MGAT4C: variants seen among roughly 807,000 people sequenced by gnomAD.
MGAT4C encodes alpha-1,3-mannosyl-glycoprotein 4-beta-N-acetylglucosaminyltransferase C.
Under a neutral mutation model 40.1 loss-of-function variants are expected in MGAT4C, and 19 were observed. That is an observed-to-expected ratio of 0.47 (90% CI 0.33 to 0.70). The LOEUF is 0.70. MGAT4C is among the 30% of genes least tolerant of loss of function. The probability of loss-of-function intolerance (pLI) is 0.02; values close to 1 mark genes in which losing one functional copy is unlikely to be tolerated. For synonymous variants in MGAT4C, 181 were observed against 187.1 expected (o/e 0.97, Z 0.27); for missense variants, 491 against 563.2 (o/e 0.87, Z 1.30).
intron 3 of MGAT4C, among the ~76,000 whole-genome samples, chr12:86,416,831 G>T (rs999186688): frequency 6.6e-6 from 1 of 152,034 alleles, no homozygotes; most frequent in Non-Finnish European, 1.5e-5. Flanking sequence ...AACTTCATTT[G>T]GCATTAGGGT....
At chr12:86,684,642 C>T (rs1950039707) in intron 2 of MGAT4C, among the ~76,000 whole-genome samples, 1 of 152,178 alleles carries the variant, frequency 6.6e-6, no homozygotes, top group Non-Finnish European at 1.5e-5. Flanking sequence ...ATTTACACTT[C>T]CACCAACAGT....
chr12:86,564,696 C>T (rs1451170834), intron 2 of MGAT4C, among the ~76,000 whole-genome samples: 1 of 152,168 alleles, frequency 6.6e-6, no homozygotes, highest in African/African-American at 2.4e-5. Context: ...GCCCCTCGTA[C>T]AATCAAGAAA....
At chr12:86,501,337 T>A (rs183957791) in intron 2 of MGAT4C, among the ~76,000 whole-genome samples, 97 of 152,164 alleles carry the variant, frequency 6.4e-4, no homozygotes, top group Middle Eastern at 6.8e-3. Flanking sequence ...TGTTATTTAT[T>A]TTATTTTATT....
intron 2 of MGAT4C, among the ~76,000 whole-genome samples, chr12:86,452,115 G>A (rs1216018170): frequency 1.3e-5 from 2 of 151,910 alleles, no homozygotes; most frequent in Admixed American, 1.3e-4. Flanking sequence ...CCTGTTTCTT[G>A]TTTGTTTTTC....
At chr12:86,623,903 T>C (rs1161735841) in intron 2 of MGAT4C, among the ~76,000 whole-genome samples, 2 of 152,208 alleles carry the variant, frequency 1.3e-5, no homozygotes, top group Admixed American at 6.5e-5. Context: ...CTTTCAATCA[T>C]TGTAGCTTTG....
At chr12:86,409,069 G>A (rs1956549369) in intron 3 of MGAT4C, among the ~76,000 whole-genome samples, 2 of 152,030 alleles carry the variant, frequency 1.3e-5, no homozygotes, top group Non-Finnish European at 1.5e-5. Flanking sequence ...AAGAAATTTC[G>A]AGAAAGAAAA....
intron 2 of MGAT4C, among the ~76,000 whole-genome samples, chr12:86,494,052 C>T (rs1163583022): frequency 6.6e-6 from 1 of 151,728 alleles, no homozygotes; most frequent in Non-Finnish European, 1.5e-5. Flanking sequence ...TTTGTATAGC[C>T]ATGTAATCAC....
chr12:86,460,995 C>T (rs995055211), intron 2 of MGAT4C, among the ~76,000 whole-genome samples: 2 of 151,928 alleles, frequency 1.3e-5, no homozygotes, highest in African/African-American at 4.8e-5. Flanking sequence ...TTTTAAATGT[C>T]AATTCTTGTT....
intron 1 of MGAT4C, among the ~76,000 whole-genome samples, chr12:86,216,345 A>G (rs950120270): frequency 6.6e-6 from 1 of 152,208 alleles, no homozygotes; most frequent in Admixed American, 6.5e-5. Flanking sequence ...ATAAAAGATT[A>G]CCACATCAAA....
At chr12:86,685,741 C>A (rs1809847790) in intron 2 of MGAT4C, among the ~76,000 whole-genome samples, 2 of 152,122 alleles carry the variant, frequency 1.3e-5, no homozygotes, top group Non-Finnish European at 2.9e-5. Flanking sequence ...TGAAAAGGTT[C>A]TTCACACCGC....
chr12:86,203,453 C>T (rs1950125407), intron 1 of MGAT4C, among the ~76,000 whole-genome samples: 2 of 152,084 alleles, frequency 1.3e-5, no homozygotes, highest in South Asian at 2.1e-4. Flanking sequence ...TAGGTAAGTA[C>T]TCTCAAACAT....
intron 1 of MGAT4C, among the ~76,000 whole-genome samples, chr12:86,151,703 T>C (rs1884308388): frequency 6.6e-6 from 1 of 152,266 alleles, no homozygotes; most frequent in Non-Finnish European, 1.5e-5. Flanking sequence ...TTGTAATCTT[T>C]AAAAATATCA....
chr12:86,111,397 A>G (rs1183074927), intron 1 of MGAT4C, among the ~76,000 whole-genome samples: 1 of 151,864 alleles, frequency 6.6e-6, no homozygotes, highest in South Asian at 2.1e-4. Flanking sequence ...AGTGTTGTAC[A>G]TGTATACATA....
chr12:86,132,745 TC>T lies in MGAT4C; in HGVS notation c.-56-83023del, dbSNP rs1236071779. On this transcript the variant is annotated intron_variant, in intron 1 of 4. Coordinates refer to ENST00000611864, the MANE Select transcript of MGAT4C (RefSeq NM_001351288.2). ...AGGCGGAGCTTGCTGTGAGCAGAGA[TC>T]GCGCCACTGCACTCCAGCCTGGGCT... Among the ~76,000 whole-genome samples, 7 of 130,374 alleles carry T rather than the reference TC, an allele frequency of 5.4e-5. No individual in the cohort carries two copies. The Admixed American group carries it at 5.9e-4, about 11-fold the overall frequency. 85.5% of individuals were successfully genotyped at this position (130,374 alleles called of 152,430 possible).
intron 3 of MGAT4C, among the ~76,000 whole-genome samples, chr12:85,986,926 T>C (rs1885272726): frequency 6.6e-6 from 1 of 151,842 alleles, no homozygotes; most frequent in African/African-American, 2.4e-5. Flanking sequence ...ATTGAAAAAG[T>C]TTTCAACTTA....
chr12:86,018,738 T>C (rs1338637231), intron 2 of MGAT4C, among the ~76,000 whole-genome samples: 2 of 152,086 alleles, frequency 1.3e-5, no homozygotes, highest in Non-Finnish European at 2.9e-5. Context: ...GGTAATGAAA[T>C]AGAAAATATA....
intron 1 of MGAT4C, among the ~76,000 whole-genome samples, chr12:86,082,905 TG>T (rs1871107253): frequency 6.6e-6 from 1 of 152,050 alleles, no homozygotes; most frequent in African/African-American, 2.4e-5. Context: ...TCAGTGCCAA[TG>T]GAAAATGACA....
intron 1 of MGAT4C, among the ~76,000 whole-genome samples, chr12:86,766,929 A>T (rs1951521106): frequency 6.6e-6 from 1 of 152,210 alleles, no homozygotes; most frequent in African/African-American, 2.4e-5. Flanking sequence ...AAGATAGAAA[A>T]TTGACACCCT....
At chr12:86,169,095 T>C (rs1025574378) in intron 1 of MGAT4C, among the ~76,000 whole-genome samples, 3 of 152,242 alleles carry the variant, frequency 2.0e-5, no homozygotes, top group South Asian at 2.1e-4. Flanking sequence ...CAATCTCTTA[T>C]TATCTGAGTA....
Sources: gnomAD v4.1 joint callset for allele counts (sites outside exome capture counted in the v4.1 genomes callset) on GRCh38, gnomAD v4.1.1 for gene constraint, MANE v1.5 for transcripts, NCBI Gene and HGNC (gene_info 2026-07-23, HGNC 2026-07-21) for gene names.